CUX1: variants seen among roughly 807,000 people sequenced by gnomAD.
CUX1 encodes the protein cut like homeobox 1.
A neutral mutation model predicts 158.8 loss-of-function variants in CUX1; 31 were observed. The ratio of observed to expected loss-of-function variants is 0.20; its 90% CI spans 0.15 to 0.26. The LOEUF is 0.26. CUX1 is among the 10% of genes least tolerant of loss of function. The pLI, the probability that CUX1 is intolerant of heterozygous loss-of-function variation, is 1.00. For missense variants in CUX1, 1,589 were observed against 2,014.6 expected, an observed-to-expected ratio of 0.79 and a Z score of 4.04; for synonymous variants, 879 against 862.1, an observed-to-expected ratio of 1.02 and a Z score of -0.34.
At chr7:102,000,601 C>A (rs925440003) in intron 2 of CUX1, among the ~76,000 whole-genome samples, 2 of 152,210 alleles carry the variant, frequency 1.3e-5, no homozygotes, top group Admixed American at 1.3e-4. Context: ...CCCGTGGGCA[C>A]GTTGAAGCTG....
rs557578730 is a variant in CUX1 at position 102,088,787 on chromosome 7, C to T, written c.269-8577C>T. ...TATACAATTAATCTTTTTCTCTTCA[C>T]CATTTAAGATTTTCCTTTTCTAATT... On this transcript the variant is annotated intron_variant, in intron 4 of 23. Transcript: ENST00000292535. 1.5e-4 allele frequency among the ~76,000 whole-genome samples: 23 copies of T among 152,156 alleles called. No homozygotes were observed. The East Asian group carries it at 3.7e-3, about 24-fold the overall frequency.
In CUX1 at chr7:102,209,638, A is replaced by G. The variant is rs149794400; in HGVS notation, c.3130+4468A>G. On this transcript the variant is annotated intron_variant, in intron 20 of 23. Coordinates refer to ENST00000292535, the MANE Select transcript of CUX1 (RefSeq NM_181552.4). ...TATAAAGGGGGGTGTAGTTATAACC[A>G]GGGTCATCTTTGATCTCATTTGGAA... Among the ~76,000 whole-genome samples the G allele has an allele frequency of 4.6e-5, 7 of 152,262 alleles. No homozygotes were observed. In the East Asian group the frequency reaches 9.6e-4, roughly 21 times the overall value.
chr7:102,248,373 AGC>A lies in CUX1; in HGVS notation c.3888-38_3888-37del. The A allele has an allele frequency of 6.5e-7, 1 of 1,534,468 alleles. No homozygotes were observed. The highest frequency in any genetic ancestry group is 8.8e-7 in the Non-Finnish European group (1 of 1,142,792). The stretch of plus-strand genomic sequence containing the variant: ...TAGCACCAGAGGCCCTTTCCCCAGC[AGC>A]ACCCCCCTCACGTCCCCGCCGCTTG... On this transcript the variant is annotated intron_variant, in intron 23 of 23. Coordinates refer to ENST00000292535, the MANE Select transcript of CUX1 (RefSeq NM_181552.4). This position sits in a 1 kb window ranked among gnomAD's most constrained non-coding sequence, Gnocchi z 5.8.
chr7:102,137,297 T>G (rs186161315), intron 8 of CUX1, among the ~76,000 whole-genome samples: 113 of 152,246 alleles, frequency 7.4e-4, no homozygotes, highest in African/African-American at 2.6e-3. Flanking sequence ...AGTGGGGTAG[T>G]TTTCTATTAG....
chr7:101,882,191 A>T (rs994974796), intron 1 of CUX1, among the ~76,000 whole-genome samples: 1 of 152,188 alleles, frequency 6.6e-6, no homozygotes, highest in Non-Finnish European at 1.5e-5. Context: ...TCTCAAAAAC[A>T]AACAAACAAA....
intron 9 of CUX1, among the ~76,000 whole-genome samples, chr7:102,168,917 TCTTTTCTTTTC>T (rs1563341790): frequency 0.01 from 905 of 87,412 alleles, 35 homozygotes; most frequent in African/African-American, 0.055. Flanking sequence ...TCTTTTATTT[TCTTTTCTTTTC>T]TTTTATTTTC....
At chr7:102,204,597 T>G in intron 19 of CUX1, 41 bp downstream of exon 19, 1 of 1,602,250 alleles carries the variant, frequency 6.2e-7, no homozygotes, top group Non-Finnish European at 8.5e-7. Flanking sequence ...TGCCCCCCCA[T>G]AGCAAGGACC....
chr7:102,154,903 C>T (rs1836098244), intron 8 of CUX1, among the ~76,000 whole-genome samples: 1 of 152,214 alleles, frequency 6.6e-6, no homozygotes, highest in East Asian at 1.9e-4. Flanking sequence ...TCTTCACTCA[C>T]CAGCCGGACC....
intron 10 of CUX1, among the ~76,000 whole-genome samples, chr7:102,175,288 C>A (rs1299053398): frequency 6.6e-6 from 1 of 152,230 alleles, no homozygotes. Flanking sequence ...TGACTTGCGC[C>A]TTGTAAAACC....
intron 2 of CUX1, among the ~76,000 whole-genome samples, chr7:101,963,293 G>T (rs1023057305): frequency 5.3e-5 from 8 of 152,180 alleles, no homozygotes; most frequent in Non-Finnish European, 1.0e-4. Flanking sequence ...CTCATTGGGT[G>T]GGGGAGGAAT....
At chr7:101,926,032 T>C (rs1369874399) in intron 2 of CUX1, among the ~76,000 whole-genome samples, 1 of 152,194 alleles carries the variant, frequency 6.6e-6, no homozygotes, top group Non-Finnish European at 1.5e-5. Flanking sequence ...CGAAGAGATT[T>C]CTTATTCAGT....
chr7:101,924,043 C>T (rs556033270), intron 2 of CUX1, among the ~76,000 whole-genome samples: 7 of 152,278 alleles, frequency 4.6e-5, no homozygotes, highest in Admixed American at 2.0e-4. Context: ...TTTGTGGATT[C>T]CTTCCCGACC....
chr7:102,238,211 T>TTTCCCGGGATACTCCCC (rs1177772542), intron 22 of CUX1, among the ~76,000 whole-genome samples: 5 of 141,564 alleles, frequency 3.5e-5, no homozygotes, highest in African/African-American at 1.2e-4. Context: ...GGATACTCCC[T>TTTCCCGGGATACTCCCC]TTCCCGGGAT....
chr7:101,920,126 GT>G (rs11368186), intron 2 of CUX1, among the ~76,000 whole-genome samples: 91,222 of 144,066 alleles, frequency 0.63, 30,152 homozygotes, highest in African/African-American at 0.79. Flanking sequence ...ATTTTTATGT[GT>G]TTTTTTTTTT....
chr7:102,241,035 G>C (rs1211897057), intron 23 of CUX1, among the ~76,000 whole-genome samples: 4 of 152,140 alleles, frequency 2.6e-5, no homozygotes, highest in African/African-American at 4.8e-5. Context: ...GGCCAGGCTG[G>C]TCTCGAACTC....
In CUX1 at chr7:102,187,750, C is replaced by T. The variant is rs535466154; in HGVS notation, c.1018-2063C>T. Among the ~76,000 whole-genome samples the T allele has an allele frequency of 7.2e-5, 11 of 151,902 alleles. No individual in the cohort carries two copies. In the East Asian group the frequency reaches 2.1e-3, roughly 30 times the overall value. On this transcript the variant is annotated intron_variant, in intron 11 of 23. Transcript: ENST00000292535. ...GGTCTCAATCTCCTGACCTCATGATCCACCCACCTTGGCCTCCCAAAGTGC... is the reference window on the plus strand; with the variant it reads ...GGTCTCAATCTCCTGACCTCATGATTCACCCACCTTGGCCTCCCAAAGTGC...
At chr7:101,867,299 G>A (rs1044934575) in intron 1 of CUX1, among the ~76,000 whole-genome samples, 1 of 152,196 alleles carries the variant, frequency 6.6e-6, no homozygotes, top group Admixed American at 6.5e-5. Context: ...GGAATGGCTG[G>A]AGTAAGTGTT....
At chr7:102,044,037 G>A (rs1822448244) in intron 3 of CUX1, among the ~76,000 whole-genome samples, 1 of 152,132 alleles carries the variant, frequency 6.6e-6, no homozygotes, top group South Asian at 2.1e-4. Flanking sequence ...AGACTGGCGT[G>A]CGGTGGTGCG....
chr7:102,189,880 G>A lies in CUX1; in HGVS notation c.1076+9G>A, dbSNP rs373425128. 328 of 1,614,018 alleles carry A rather than the reference G, an allele frequency of 2.0e-4. No homozygotes were observed. Among genetic ancestry groups the A allele is most frequent in the Non-Finnish European group, 2.6e-4 (307 of 1,179,990 alleles). On this transcript the variant is annotated intron_variant, in intron 12 of 23. Transcript: ENST00000292535. ...GTGAAGAAAGAGCTGAAGTAAGTAC[G>A]GAGAGCCCTGTGGCCCCTCACACGC...
Sources: allele counts gnomAD v4.1 joint callset (sites outside exome capture counted in the v4.1 genomes callset), GRCh38; gene constraint gnomAD v4.1.1; non-coding constraint Gnocchi (gnomAD v3.1); transcripts MANE v1.5; gene names NCBI Gene and HGNC (gene_info 2026-07-23, HGNC 2026-07-21).